Variants in RET observed in about 807,000 individuals in gnomAD.
The protein encoded by RET is ret proto-oncogene.
In RET, 19 loss-of-function variants were observed where a neutral mutation model predicts 118.3. The observed-to-expected ratio is 0.16, with a 90% confidence interval of 0.11 to 0.24. The LOEUF (loss-of-function observed/expected upper bound fraction) is 0.24. Ranked by LOEUF, RET falls within the 10% of genes least tolerant of loss-of-function variation. The probability of loss-of-function intolerance (pLI) is 1.00; values close to 1 mark genes in which losing one functional copy is unlikely to be tolerated. For synonymous variants in RET, 597 were observed against 644.1 expected (o/e 0.93, Z 1.11); for missense variants, 1,219 against 1,502.1 (o/e 0.81, Z 3.12).
intron 1 of RET, among the ~76,000 whole-genome samples, chr10:43,092,945 C>T (rs1837440542): frequency 6.6e-6 from 1 of 152,344 alleles, no homozygotes; most frequent in African/African-American, 2.4e-5. Flanking sequence ...TTACTCCCTT[C>T]CCCTTCCCAA....
intron 1 of RET, among the ~76,000 whole-genome samples, chr10:43,099,336 C>T (rs1837585141): frequency 6.6e-6 from 1 of 151,958 alleles, no homozygotes; most frequent in South Asian, 2.1e-4. Flanking sequence ...ATGGAGAAAC[C>T]CCATCTCTAC....
At chr10:43,119,062 C>T (rs796257644) in intron 13 of RET, among the ~76,000 whole-genome samples, 71 of 152,300 alleles carry the variant, frequency 4.7e-4, no homozygotes, top group Middle Eastern at 3.4e-3. Context: ...GCACTGTGGT[C>T]GGCACCAGTA....
chr10:43,079,962 C>A lies in RET; in HGVS notation c.73+2631C>A, dbSNP rs373337525. Among the ~76,000 whole-genome samples, 6 of 152,212 alleles carry A rather than the reference C, an allele frequency of 3.9e-5. No individual in the cohort carries two copies. The South Asian group carries it at 1.2e-3, about 31-fold the overall frequency. Reference sequence around the variant, plus strand: ...CTCCAGCTCACTAACCCTGTCTGGCCTCCAGAAGCTGCCTGCAGCCCTCAC... The same window carrying A: ...CTCCAGCTCACTAACCCTGTCTGGCATCCAGAAGCTGCCTGCAGCCCTCAC... On this transcript the variant is annotated intron_variant, in intron 1 of 19. Transcript: ENST00000355710.
rs3026769 is a variant in RET, at chr10:43,120,525, C to T, written c.2730+322C>T. On this transcript the variant is annotated intron_variant, in intron 15 of 19. Coordinates refer to ENST00000355710, the MANE Select transcript of RET (RefSeq NM_020975.6). ...TCCTCTTCTGCAGAATAAAGGTCACCGTTCTGATATGACCTTAGCTCTTTT... is the reference window on the plus strand; with the variant it reads ...TCCTCTTCTGCAGAATAAAGGTCACTGTTCTGATATGACCTTAGCTCTTTT... 0.048 allele frequency among the ~76,000 whole-genome samples: 7,334 copies of T among 152,300 alleles called. 410 individuals carry two copies. Among genetic ancestry groups the T allele is most frequent in the African/African-American group, 0.14 (5,682 of 41,552 alleles).
chr10:43,112,054 G>T (rs2132794327), intron 7 of RET, 45 bp from the exon 8 acceptor site: 1 of 1,569,584 alleles, frequency 6.4e-7, no homozygotes, highest in South Asian at 1.2e-5. Context: ...CTGGACGCTG[G>T]GCCCAGGCCA....
At chr10:43,124,040 A>G (rs1212250176) in intron 17 of RET, among the ~76,000 whole-genome samples, 2 of 152,146 alleles carry the variant, frequency 1.3e-5, no homozygotes, top group African/African-American at 4.8e-5. Flanking sequence ...GAGTGAGAGC[A>G]GAGACTGGTG....
intron 13 of RET, among the ~76,000 whole-genome samples, chr10:43,119,071 T>A (rs1249092009): frequency 1.3e-5 from 2 of 151,944 alleles, no homozygotes; most frequent in East Asian, 1.9e-4. Flanking sequence ...TCGGCACCAG[T>A]AGAGTTGGAG....
intron 1 of RET, among the ~76,000 whole-genome samples, chr10:43,085,136 C>T (rs1344266475): frequency 6.6e-6 from 1 of 152,160 alleles, no homozygotes; most frequent in Non-Finnish European, 1.5e-5. Flanking sequence ...TGGCAGGCAG[C>T]CTCTGTGGGC....
At chr10:43,107,783 G>A (rs1367689271) in intron 5 of RET, among the ~76,000 whole-genome samples, 1 of 152,138 alleles carries the variant, frequency 6.6e-6, no homozygotes, top group Non-Finnish European at 1.5e-5. Flanking sequence ...GGAGTTACAA[G>A]CAAGGACATA....
At position 43,106,233 on chromosome 10, in the gene RET, C is replaced by A; in HGVS notation, c.868-143C>A. 2 of 861,086 alleles carry A rather than the reference C, an allele frequency of 2.3e-6. No individual in the cohort carries two copies. The highest frequency in any genetic ancestry group is 3.7e-6 in the Non-Finnish European group (2 of 534,806). 53.3% of individuals were successfully genotyped at this position (861,086 alleles called of 1,614,324 possible). A position where few individuals can be genotyped will look rare whatever the true frequency, so the allele number is the denominator to read the frequency against. ...CGTGGGAACTTGAACCCAGGTCAGA[C>A]TGTCCCCAGACCTGGCTCTGACAAC... On this transcript the variant is annotated intron_variant, in intron 4 of 19. Coordinates refer to ENST00000355710, the MANE Select transcript of RET (RefSeq NM_020975.6). The surrounding 1 kb of genome is among the most constrained non-coding windows in gnomAD (Gnocchi z 5.1).
chr10:43,106,542 G>T lies in RET; in HGVS notation c.1034G>T (p.Ser345Ile). The T allele has an allele frequency of 2.5e-6, 4 of 1,613,736 alleles. No individual in the cohort carries two copies. The highest frequency in any genetic ancestry group is 3.4e-6 in the Non-Finnish European group (4 of 1,179,796). ...GAGACCTCGGTCCAGGCCAACGGCA[G>T]CTTCGTGCGGGCGACCGTACATGAC... ...PNETSVQANG[S>I]FVRATVHDYR... Residue 345 changes from serine (S) to isoleucine (I), a missense_variant, in exon 5 of 20, where the codon AGC (serine) becomes ATC (isoleucine). By Grantham distance (142) the Ser-to-Ile change is moderately radical. Transcript: ENST00000355710. This position sits in a 1 kb window ranked among gnomAD's most constrained non-coding sequence, Gnocchi z 5.1.
At chr10:43,084,901 G>A (rs998890053) in intron 1 of RET, among the ~76,000 whole-genome samples, 2 of 152,172 alleles carry the variant, frequency 1.3e-5, no homozygotes, top group Non-Finnish European at 2.9e-5. Context: ...CTGACAAGAC[G>A]AGACTCAGCA....
At chr10:43,109,330 A>G in intron 6 of RET, 100 bp downstream of exon 6, 1 of 1,201,274 alleles carries the variant, frequency 8.3e-7, no homozygotes, top group Non-Finnish European at 1.2e-6. Context: ...CAACCAGCAC[A>G]GAGTAGACTG....
intron 1 of RET, among the ~76,000 whole-genome samples, chr10:43,092,647 T>G (rs1837434806): frequency 6.6e-6 from 1 of 152,220 alleles, no homozygotes; most frequent in Non-Finnish European, 1.5e-5. Context: ...GACCCAGGTT[T>G]GTGCAGCATG....
chr10:43,105,999 C>T (rs1464248258), intron 4 of RET, among the ~76,000 whole-genome samples: 1 of 152,170 alleles, frequency 6.6e-6, no homozygotes, highest in Non-Finnish European at 1.5e-5. Flanking sequence ...TCCTGTGTGA[C>T]CTTGACCTGA....
At chr10:43,120,334 C>G (rs1838187306) in intron 15 of RET, 131 bp downstream of exon 15, 2 of 1,298,896 alleles carry the variant, frequency 1.5e-6, no homozygotes, top group African/African-American at 3.0e-5. Flanking sequence ...AGCCCTCACC[C>G]CAAATCTTTC....
At chr10:43,121,829 G>A in intron 15 of RET, 117 bp from the exon 16 acceptor site, 1 of 792,600 alleles carries the variant, frequency 1.3e-6, no homozygotes, top group South Asian at 1.4e-5. Flanking sequence ...GCCCAGGAGT[G>A]TCTACAGCAC....
intron 13 of RET, among the ~76,000 whole-genome samples, chr10:43,118,687 C>G (rs770729539): frequency 2.6e-5 from 4 of 152,258 alleles, no homozygotes; most frequent in Non-Finnish European, 4.4e-5. Flanking sequence ...ATCAGAGGGG[C>G]CCCGCGCTAG....
intron 8 of RET, 68 bp downstream of exon 8, chr10:43,112,292 G>T: frequency 1.4e-6 from 2 of 1,480,888 alleles, no homozygotes; most frequent in Non-Finnish European, 1.8e-6. Flanking sequence ...GGGTCCTGGG[G>T]CCCTGCCAGC....
Sources: gnomAD v4.1 joint callset for allele counts (sites outside exome capture counted in the v4.1 genomes callset) on GRCh38, gnomAD v4.1.1 for gene constraint, Gnocchi (gnomAD v3.1) non-coding constraint, MANE v1.5 for transcripts, NCBI Gene and HGNC (gene_info 2026-07-23, HGNC 2026-07-21) for gene names.